Variants in TEAD4 observed in about 807,000 individuals in gnomAD.
TEAD4 encodes transcriptional enhancer factor TEF-3.
In TEAD4, 36 loss-of-function variants were observed where a neutral mutation model predicts 52.4. That is an observed-to-expected ratio of 0.69 (90% CI 0.53 to 0.91). The LOEUF (loss-of-function observed/expected upper bound fraction) is 0.91, where lower values mean the gene tolerates loss of function less well. TEAD4 is among the 40% of genes least tolerant of loss of function. The pLI is 0.00. For missense variants in TEAD4, 508 were observed against 583.9 expected, an observed-to-expected ratio of 0.87 and a Z score of 1.34; for synonymous variants, 220 against 231.0, an observed-to-expected ratio of 0.95 and a Z score of 0.43.
chr12:2,978,732 C>T (rs1565526672), intron 2 of TEAD4, among the ~76,000 whole-genome samples: 1 of 151,940 alleles, frequency 6.6e-6, no homozygotes, highest in East Asian at 1.9e-4. Flanking sequence ...AATGAAACTC[C>T]CCATTCCCCC....
At chr12:3,007,046 C>T (rs56657604) in intron 3 of TEAD4, among the ~76,000 whole-genome samples, 7,097 of 152,148 alleles carry the variant, frequency 0.047, 542 homozygotes, top group African/African-American at 0.16. Flanking sequence ...AAAAAGAAGA[C>T]GGCTGAGCTT....
intron 3 of TEAD4, among the ~76,000 whole-genome samples, chr12:2,995,962 T>A (rs554687628): frequency 6.7e-6 from 1 of 149,740 alleles, no homozygotes; most frequent in East Asian, 2.0e-4. Flanking sequence ...GAGCCATGAG[T>A]GCACTGTTGC....
chr12:3,036,507 T>C (rs1274684341), intron 10 of TEAD4, among the ~76,000 whole-genome samples: 1 of 152,196 alleles, frequency 6.6e-6, no homozygotes, highest in South Asian at 2.1e-4. Context: ...AAAACCTTCC[T>C]GGGGTTCTAG....
At chr12:3,033,042 GGT>G (rs747994847) in intron 10 of TEAD4, among the ~76,000 whole-genome samples, 1 of 152,194 alleles carries the variant, frequency 6.6e-6, no homozygotes, top group African/African-American at 2.4e-5. Flanking sequence ...GCAAGGAAAC[GGT>G]GTCGCCTCTC....
chr12:2,966,027 A>G (rs1565520185), intron 2 of TEAD4, among the ~76,000 whole-genome samples: 1 of 152,112 alleles, frequency 6.6e-6, no homozygotes, highest in Non-Finnish European at 1.5e-5. Context: ...CACTCAGCCT[A>G]GGTTAGATTT....
At chr12:2,981,313 G>A (rs1049519760) in intron 2 of TEAD4, among the ~76,000 whole-genome samples, 1 of 152,206 alleles carries the variant, frequency 6.6e-6, no homozygotes, top group African/African-American at 2.4e-5. Flanking sequence ...CTTCTTTCCC[G>A]CCCAGGTCCC....
At chr12:3,038,135 G>T (rs746409503) in intron 11 of TEAD4, 27 bp downstream of exon 11, 1 of 1,602,906 alleles carries the variant, frequency 6.2e-7, no homozygotes, top group Non-Finnish European at 8.5e-7. Context: ...GCGGGTGAGG[G>T]CCGGTGGCAG....
chr12:3,038,234 C>A, intron 11 of TEAD4, 126 bp downstream of exon 11: 1 of 1,272,464 alleles, frequency 7.9e-7, no homozygotes, highest in Non-Finnish European at 1.1e-6. Context: ...GTTGCCTTCC[C>A]TGTCTGCTGT....
chr12:3,036,435 C>T (rs967476504), intron 10 of TEAD4, among the ~76,000 whole-genome samples: 22 of 152,156 alleles, frequency 1.4e-4, no homozygotes, highest in African/African-American at 4.1e-4. Context: ...AGAAAAATAA[C>T]GATTGAGTGT....
rs1398635687 is a variant in TEAD4 at position 2,966,872 on chromosome 12, AATTTTTGT to A, written c.-30+6839_-30+6846del. On this transcript the variant is annotated intron_variant, in intron 2 of 12. Coordinates refer to ENST00000359864, the MANE Select transcript of TEAD4 (RefSeq NM_003213.4). ...CAGGCACCTGCCACCACGCCTGGCT[AATTTTTGT>A]ATTTTTAGTAGAAATGTGGTTTCAC... 4.6e-5 allele frequency among the ~76,000 whole-genome samples: 7 copies of A among 151,906 alleles called. No homozygotes were observed. In the East Asian group the frequency reaches 1.4e-3, roughly 29 times the overall value.
chr12:3,038,354 G>A (rs527767194), intron 11 of TEAD4, among the ~76,000 whole-genome samples: 13 of 152,288 alleles, frequency 8.5e-5, no homozygotes, highest in African/African-American at 2.2e-4. Context: ...AGGCACCCCC[G>A]GTCCTCTCCA....
At chr12:2,975,349 A>C (rs1280988557) in intron 2 of TEAD4, among the ~76,000 whole-genome samples, 1 of 147,432 alleles carries the variant, frequency 6.8e-6, no homozygotes, top group African/African-American at 2.6e-5. Flanking sequence ...ATGAGTCAAT[A>C]TCGGCACATT....
intron 2 of TEAD4, among the ~76,000 whole-genome samples, chr12:2,965,704 AC>A (rs1222979858): frequency 1.1e-4 from 16 of 150,706 alleles, no homozygotes; most frequent in Admixed American, 1.1e-3. Context: ...GGCACCCGCC[AC>A]CTAATTTTTT....
chr12:3,001,675 G>C (rs189552000), intron 3 of TEAD4, among the ~76,000 whole-genome samples: 1 of 152,016 alleles, frequency 6.6e-6, no homozygotes, highest in Non-Finnish European at 1.5e-5. Context: ...TACTTCAGGG[G>C]CTGAGGCAGG....
At chr12:3,000,946 C>G (rs949798083) in intron 3 of TEAD4, among the ~76,000 whole-genome samples, 1 of 152,190 alleles carries the variant, frequency 6.6e-6, no homozygotes, top group African/African-American at 2.4e-5. Context: ...GCTCCTGCCC[C>G]CCGCTTCTTC....
At chr12:3,035,140 A>T (rs1038604945) in intron 10 of TEAD4, among the ~76,000 whole-genome samples, 2 of 152,204 alleles carry the variant, frequency 1.3e-5, no homozygotes, top group Admixed American at 6.5e-5. Context: ...AGTTATTTTC[A>T]TATATATTAG....
chr12:2,962,333 A>T (rs7980204), intron 2 of TEAD4, among the ~76,000 whole-genome samples: 7,135 of 37,804 alleles, frequency 0.19, 741 homozygotes, highest in African/African-American at 0.35. Flanking sequence ...TATAAATATA[A>T]ATATATATAT....
chr12:2,969,179 C>T (rs772750547), intron 2 of TEAD4, among the ~76,000 whole-genome samples: 3 of 152,206 alleles, frequency 2.0e-5, no homozygotes, highest in African/African-American at 4.8e-5. Context: ...CGACAGTGTT[C>T]AGGGGAAAAC....
At chr12:3,030,917 C>T (rs1044212955) in intron 10 of TEAD4, among the ~76,000 whole-genome samples, 3 of 152,280 alleles carry the variant, frequency 2.0e-5, no homozygotes, top group African/African-American at 4.8e-5. Context: ...CAGGGCAGGA[C>T]GTGGCCAGGG....
Sources: gnomAD v4.1 joint callset for allele counts (sites outside exome capture counted in the v4.1 genomes callset) on GRCh38, gnomAD v4.1.1 for gene constraint, MANE v1.5 for transcripts, NCBI Gene and HGNC (gene_info 2026-07-23, HGNC 2026-07-21) for gene names.